ANKRD26: variants seen among roughly 807,000 people sequenced by gnomAD.
ANKRD26 encodes the protein ankyrin repeat domain 26, also known as ankyrin repeat domain-containing protein 26.
A neutral mutation model predicts 208.7 loss-of-function variants in ANKRD26; 141 were observed. That is an observed-to-expected ratio of 0.68 (90% CI 0.59 to 0.78). The LOEUF is 0.78. Ranked by LOEUF, ANKRD26 falls within the 30% of genes least tolerant of loss-of-function variation. The probability of loss-of-function intolerance (pLI) is 0.00; values close to 1 mark genes in which losing one functional copy is unlikely to be tolerated. For missense variants in ANKRD26, 1,889 were observed against 1,938.7 expected, an observed-to-expected ratio of 0.97 and a Z score of 0.48; for synonymous variants, 636 against 660.4, an observed-to-expected ratio of 0.96 and a Z score of 0.57.
At chr10:26,972,002 A>G (rs192003242), downstream of ANKRD26, among the ~76,000 whole-genome samples, 6,467 of 152,156 alleles carry the variant, frequency 0.043, 151 homozygotes, top group Non-Finnish European at 0.059. Flanking sequence ...TTGGGAGGCC[A>G]AGGTGGGCGG....
intron 21 of ANKRD26, among the ~76,000 whole-genome samples, chr10:27,039,447 C>G (rs2054155078): frequency 6.8e-6 from 1 of 147,694 alleles, no homozygotes; most frequent in African/African-American, 2.5e-5. Context: ...GAGCAAGACT[C>G]CATCTCAAAA....
downstream of ANKRD26, among the ~76,000 whole-genome samples, chr10:26,999,822 A>C (rs997210433): frequency 1.3e-5 from 2 of 151,790 alleles, no homozygotes; most frequent in Non-Finnish European, 2.9e-5. Context: ...AAAAAAAAAA[A>C]AAAAACCCAA....
chr10:27,098,590 C>T (rs1377078660), intron 1 of ANKRD26, among the ~76,000 whole-genome samples: 2 of 151,030 alleles, frequency 1.3e-5, no homozygotes, highest in Non-Finnish European at 2.9e-5. Context: ...GCTCTGTCGC[C>T]CAGGCTGGAG....
intron 15 of ANKRD26, 80 bp downstream of exon 15, chr10:27,060,265 A>G (rs1226097110): frequency 7.6e-7 from 1 of 1,313,310 alleles, no homozygotes; most frequent in African/African-American, 1.5e-5. Flanking sequence ...ATTAGGAATA[A>G]GAAAACTGTG....
the ANKRD26 span, among the ~76,000 whole-genome samples, chr10:26,955,493 GTA>G: frequency 1.7e-4 from 25 of 151,074 alleles, no homozygotes; most frequent in African/African-American, 5.3e-4. Flanking sequence ...ATATGTGTGT[GTA>G]TATATATATA....
At chr10:27,091,758 G>T (rs2056307371) in intron 4 of ANKRD26, among the ~76,000 whole-genome samples, 1 of 152,156 alleles carries the variant, frequency 6.6e-6, no homozygotes, top group Non-Finnish European at 1.5e-5. Context: ...GAAGGCCAAG[G>T]CGGGTGGATC....
the ANKRD26 span, among the ~76,000 whole-genome samples, chr10:26,966,705 T>G: frequency 6.6e-6 from 1 of 152,212 alleles, no homozygotes; most frequent in Non-Finnish European, 1.5e-5. Flanking sequence ...GAAGGCGTAG[T>G]ACAGTGCAAC....
intron 4 of ANKRD26, among the ~76,000 whole-genome samples, chr10:27,088,050 T>C (rs1263075906): frequency 8.5e-5 from 13 of 152,170 alleles, no homozygotes; most frequent in Non-Finnish European, 1.5e-5. Context: ...CCTCCCAAAG[T>C]GCTGGAATTA....
At chr10:26,972,190 G>C (rs563091786), downstream of ANKRD26, among the ~76,000 whole-genome samples, 434 of 149,502 alleles carry the variant, frequency 2.9e-3, 3 homozygotes, top group Admixed American at 4.5e-3. Context: ...AGCCGAGATC[G>C]TGCCACTGCA....
At chr10:27,080,416 C>T (rs3781100) in intron 6 of ANKRD26, among the ~76,000 whole-genome samples, 36,356 of 151,900 alleles carry the variant, frequency 0.24, 5,048 homozygotes, top group East Asian at 0.56. Context: ...AAAACACATA[C>T]GTATATGCTG....
downstream of ANKRD26, among the ~76,000 whole-genome samples, chr10:26,988,498 T>G (rs948645655): frequency 6.6e-6 from 1 of 152,142 alleles, no homozygotes; most frequent in Non-Finnish European, 1.5e-5. Flanking sequence ...AAATCACACT[T>G]TAATATTTCA....
chr10:27,009,517 C>T (rs1365333975), intron 32 of ANKRD26, among the ~76,000 whole-genome samples: 1 of 151,970 alleles, frequency 6.6e-6, no homozygotes, highest in Non-Finnish European at 1.5e-5. Flanking sequence ...GTGCCTGATA[C>T]AGACTATGGA....
At chr10:26,948,054 C>T in the ANKRD26 span, among the ~76,000 whole-genome samples, 1 of 152,156 alleles carries the variant, frequency 6.6e-6, no homozygotes, top group African/African-American at 2.4e-5. Context: ...CATTCTCCTG[C>T]ATCAAATTCC....
At position 27,044,207 on chromosome 10, in the gene ANKRD26, C is replaced by T. The variant is rs1271784684; in HGVS notation, c.1986-17G>A. 1.4e-6 allele frequency: 2 copies of T among 1,413,662 alleles called. No individual in the cohort carries two copies. The highest frequency in any genetic ancestry group is 1.9e-6 in the Non-Finnish European group (2 of 1,035,250). 87.6% of individuals were successfully genotyped at this position (1,413,662 alleles called of 1,614,324 possible). ...TTAGTAGGCCTAAAAAAAAAAAATA[C>T]CTTTCAGGCAAATAGTAAACATGTA... On this transcript the variant is annotated splice_polypyrimidine_tract_variant and intron_variant, in intron 18 of 33. Transcript: ENST00000376087.
Position 27,100,106 on chromosome 10 carries a change from T to C in ANKRD26, c.221A>G (p.Asn74Ser). The C allele has an allele frequency of 6.2e-7, 1 of 1,614,102 alleles. No homozygotes were observed. Among genetic ancestry groups the C allele is most frequent in the Non-Finnish European group, 8.5e-7 (1 of 1,179,960 alleles). Residue 74 changes from asparagine (N) to serine (S), a missense_variant, in exon 1 of 34, where the codon AAC (asparagine) becomes AGC (serine). Around this residue, in one of 3 missense-constraint regions of ANKRD26, gnomAD observed 1,272 missense variants for 1,273.8 expected, o/e 1.00. Coordinates refer to ENST00000376087, the MANE Select transcript of ANKRD26 (RefSeq NM_014915.3). ...QILLLRKNGL[N>S]DRDKMNRTAL... is the part of the protein sequence containing the mutation. ...TTACCTGTTCATCTTGTCTCTATCG[T>C]TCAAGCCATTCTTCCTGAGCAAAAG... is the stretch of plus-strand genomic sequence containing the variant.
intron 3 of ANKRD26, among the ~76,000 whole-genome samples, chr10:26,986,635 T>C (rs1396485154): frequency 4.6e-5 from 7 of 152,330 alleles, no homozygotes; most frequent in African/African-American, 1.4e-4. Context: ...GAACAGACAC[T>C]TCTCAAAAGA....
Position 27,047,701 on chromosome 10 carries a change from A to ACTACTAC in ANKRD26, c.1814+1099_1814+1100insGTAGTAG, listed in dbSNP as rs1554782089. Among the ~76,000 whole-genome samples, 658 of 138,824 alleles carry ACTACTAC rather than the reference A, an allele frequency of 4.7e-3. 2 individuals carry two copies. The highest frequency in any genetic ancestry group is 0.011 in the South Asian group (45 of 4,172). 91.1% of individuals were successfully genotyped at this position (138,824 alleles called of 152,430 possible). On this transcript the variant is annotated intron_variant, in intron 17 of 33. Coordinates refer to ENST00000376087, the MANE Select transcript of ANKRD26 (RefSeq NM_014915.3). ...ATTTACCACCAGAAAAACTGTAATA[A>ACTACTAC]TACTACTACTACTACTACTACTAAT...
chr10:27,086,979 G>T (rs1008146631), intron 4 of ANKRD26, among the ~76,000 whole-genome samples: 2 of 151,874 alleles, frequency 1.3e-5, no homozygotes, highest in Non-Finnish European at 2.9e-5. Context: ...TCACCATGTT[G>T]GCCAGGCTGG....
At chr10:27,091,957 A>G (rs1161879637) in intron 4 of ANKRD26, among the ~76,000 whole-genome samples, 1 of 151,738 alleles carries the variant, frequency 6.6e-6, no homozygotes, top group Non-Finnish European at 1.5e-5. Context: ...ACTGCACTCT[A>G]GCCTGAGTGA....
Sources: allele counts gnomAD v4.1 joint callset (sites outside exome capture counted in the v4.1 genomes callset), GRCh38; gene constraint gnomAD v4.1.1; regional missense constraint gnomAD v4.1.1; transcripts MANE v1.5; gene names NCBI Gene and HGNC (gene_info 2026-07-23, HGNC 2026-07-21).